The following RPS6KC1 variants were observed in gnomAD, a reference collection of about 807,000 sequenced individuals.
RPS6KC1 encodes inactive ribosomal protein S6 kinase delta-1.
Under a neutral mutation model 103.8 loss-of-function variants are expected in RPS6KC1, and 54 were observed. The ratio of observed to expected loss-of-function variants is 0.52; its 90% CI spans 0.42 to 0.65. The LOEUF (loss-of-function observed/expected upper bound fraction) is 0.65, where lower values mean the gene tolerates loss of function less well. RPS6KC1 is among the 30% of genes least tolerant of loss of function. The probability of loss-of-function intolerance (pLI) is 0.00; values close to 1 mark genes in which losing one functional copy is unlikely to be tolerated. For missense variants in RPS6KC1, 1,151 were observed against 1,253.8 expected (o/e 0.92, Z 1.24); for synonymous variants, 439 against 438.7 (o/e 1.00, Z -0.01).
chr1:213,351,736 TC>T, the RPS6KC1 span, among the ~76,000 whole-genome samples: 1 of 152,172 alleles, frequency 6.6e-6, no homozygotes, highest in East Asian at 1.9e-4. Context: ...AGAGGTGACT[TC>T]TGGAACTCTA....
the RPS6KC1 span, among the ~76,000 whole-genome samples, chr1:213,596,233 C>A: frequency 6.6e-6 from 1 of 152,160 alleles, no homozygotes; most frequent in Non-Finnish European, 1.5e-5. Flanking sequence ...AATTTTCTGT[C>A]CCTCTTTGGT....
the RPS6KC1 span, among the ~76,000 whole-genome samples, chr1:213,572,344 G>A: frequency 5.9e-3 from 903 of 152,294 alleles, 9 homozygotes; most frequent in African/African-American, 0.017. Flanking sequence ...TCCTTCTGAG[G>A]GGCTATTCCT....
the RPS6KC1 span, among the ~76,000 whole-genome samples, chr1:213,558,025 A>G: frequency 6.6e-6 from 1 of 152,210 alleles, no homozygotes; most frequent in Non-Finnish European, 1.5e-5. Flanking sequence ...AGATCTGCCT[A>G]TCTACATCCT....
chr1:213,825,672 T>C, the RPS6KC1 span, among the ~76,000 whole-genome samples: 5 of 151,392 alleles, frequency 3.3e-5, no homozygotes, highest in Non-Finnish European at 7.4e-5. Context: ...CAAGCACCAG[T>C]GAACTTCGAG....
At chr1:213,593,152 C>T in the RPS6KC1 span, among the ~76,000 whole-genome samples, 7 of 149,942 alleles carry the variant, frequency 4.7e-5, no homozygotes, top group South Asian at 4.4e-4. Flanking sequence ...TGGGGCACAG[C>T]GAGGTGGAAG....
the RPS6KC1 span, among the ~76,000 whole-genome samples, chr1:213,687,390 C>G: frequency 1.3e-5 from 2 of 152,100 alleles, no homozygotes; most frequent in African/African-American, 4.8e-5. Context: ...CTAAGCTCTT[C>G]CCGTCTAGTA....
At chr1:213,072,928 T>G in intron 2 of RPS6KC1, 1 of 982,092 alleles carries the variant, frequency 1.0e-6, no homozygotes. Context: ...TTAGTCCTTT[T>G]TTCGGGAAAA....
chr1:213,252,577 T>C lies in RPS6KC1; in HGVS notation c.2912-8981T>C, dbSNP rs531116875. Among the ~76,000 whole-genome samples the C allele has an allele frequency of 3.9e-5, 6 of 152,328 alleles. No individual in the cohort carries two copies. In the East Asian group the frequency reaches 5.8e-4, roughly 15 times the overall value. On this transcript the variant is annotated intron_variant, in intron 12 of 14. Coordinates refer to ENST00000366960, the MANE Select transcript of RPS6KC1 (RefSeq NM_012424.6). Reference sequence around the variant, plus strand: ...TTGTAAGAATTTGCCTTTGTTCTTATGTTGTCTTATTTACCAGAGATCTTT... The same window carrying C: ...TTGTAAGAATTTGCCTTTGTTCTTACGTTGTCTTATTTACCAGAGATCTTT...
At chr1:213,494,586 A>G in the RPS6KC1 span, among the ~76,000 whole-genome samples, 6 of 152,186 alleles carry the variant, frequency 3.9e-5, no homozygotes, top group African/African-American at 1.2e-4. Context: ...TTTGAGAGAC[A>G]AATGTTTCAA....
chr1:213,094,415 C>T (rs1224691746), intron 3 of RPS6KC1, among the ~76,000 whole-genome samples: 1 of 151,550 alleles, frequency 6.6e-6, no homozygotes, highest in Admixed American at 6.6e-5. Context: ...ATAATCATGC[C>T]TCTCTTGGTT....
chr1:213,348,154 T>C, the RPS6KC1 span, among the ~76,000 whole-genome samples: 3 of 152,076 alleles, frequency 2.0e-5, no homozygotes, highest in South Asian at 4.1e-4. Context: ...CTTGTTGAAA[T>C]GTACATTTCC....
the RPS6KC1 span, among the ~76,000 whole-genome samples, chr1:213,449,479 C>G: frequency 1.3e-5 from 2 of 152,178 alleles, no homozygotes; most frequent in African/African-American, 2.4e-5. Flanking sequence ...TTTTCTCTCT[C>G]TGTGTGCTCC....
the RPS6KC1 span, among the ~76,000 whole-genome samples, chr1:213,790,747 G>A: frequency 1.1e-3 from 168 of 152,292 alleles, 1 homozygote; most frequent in African/African-American, 3.9e-3. Context: ...CATCACTGAA[G>A]TGGAAATATT....
the RPS6KC1 span, among the ~76,000 whole-genome samples, chr1:213,703,873 T>C: frequency 6.6e-6 from 1 of 152,208 alleles, no homozygotes; most frequent in African/African-American, 2.4e-5. Flanking sequence ...TTTCTCTAGG[T>C]TCTAGGAAGT....
the RPS6KC1 span, among the ~76,000 whole-genome samples, chr1:213,550,858 ACT>A: frequency 1.2e-4 from 18 of 152,090 alleles, no homozygotes; most frequent in Non-Finnish European, 2.1e-4. Flanking sequence ...AAACCTCAAA[ACT>A]GAATTCACCT....
At chr1:213,301,815 AACCTCC>A in the RPS6KC1 span, among the ~76,000 whole-genome samples, 1 of 151,880 alleles carries the variant, frequency 6.6e-6, no homozygotes, top group African/African-American at 2.4e-5. Flanking sequence ...GGCTTACTGC[AACCTCC>A]ACCTCCTAGG....
At chr1:213,297,002 C>A in the RPS6KC1 span, among the ~76,000 whole-genome samples, 1 of 152,172 alleles carries the variant, frequency 6.6e-6, no homozygotes, top group Admixed American at 6.5e-5. Flanking sequence ...GTTGTTGATT[C>A]TTCCTTTCTT....
chr1:213,320,196 C>A, the RPS6KC1 span, among the ~76,000 whole-genome samples: 1 of 152,254 alleles, frequency 6.6e-6, no homozygotes, highest in Admixed American at 6.5e-5. Flanking sequence ...TTGCCCACAA[C>A]TCAATGCCTT....
chr1:213,389,312 T>G, the RPS6KC1 span, among the ~76,000 whole-genome samples: 1 of 152,062 alleles, frequency 6.6e-6, no homozygotes, highest in Non-Finnish European at 1.5e-5. Flanking sequence ...AACATTTTAC[T>G]TGGAAAAAAA....
Sources: allele counts gnomAD v4.1 joint callset (sites outside exome capture counted in the v4.1 genomes callset), GRCh38; gene constraint gnomAD v4.1.1; transcripts MANE v1.5; gene names NCBI Gene and HGNC (gene_info 2026-07-23, HGNC 2026-07-21).